The following SSH2 variants were observed in gnomAD, a reference collection of about 807,000 sequenced individuals.
The protein encoded by SSH2 is protein phosphatase Slingshot homolog 2.
A neutral mutation model predicts 135.2 loss-of-function variants in SSH2; 37 were observed. The observed-to-expected ratio is 0.27, with a 90% confidence interval of 0.21 to 0.36. The LOEUF (loss-of-function observed/expected upper bound fraction) is 0.36. Among genes scored for constraint, SSH2 ranks in the 10% least tolerant of loss-of-function variants. SSH2 has a pLI of 1.00. For synonymous variants in SSH2, 628 were observed against 646.2 expected, an observed-to-expected ratio of 0.97 and a Z score of 0.43; for missense variants, 1,408 against 1,765.3, an observed-to-expected ratio of 0.80 and a Z score of 3.63.
chr17:29,736,781 T>C (rs199674905), intron 3 of SSH2, among the ~76,000 whole-genome samples: 14 of 47,196 alleles, frequency 3.0e-4, no homozygotes, highest in Admixed American at 6.0e-4. Flanking sequence ...AGCAAGACTC[T>C]GTCTCAAAAA....
intron 3 of SSH2, among the ~76,000 whole-genome samples, chr17:29,732,300 T>G (rs2040224252): frequency 6.6e-6 from 1 of 152,224 alleles, no homozygotes; most frequent in South Asian, 2.1e-4. Context: ...AAATGCAAAT[T>G]ATTATTCTAA....
intron 6 of SSH2, among the ~76,000 whole-genome samples, chr17:29,682,999 T>G (rs902119825): frequency 9.2e-5 from 14 of 152,340 alleles, no homozygotes; most frequent in Admixed American, 6.5e-4. Flanking sequence ...CAGGTTGACT[T>G]CTATATAGGA....
At chr17:29,640,311 C>T (rs1188469444) in intron 14 of SSH2, among the ~76,000 whole-genome samples, 4 of 152,168 alleles carry the variant, frequency 2.6e-5, no homozygotes, top group East Asian at 1.9e-4. Flanking sequence ...CTCCTGACCT[C>T]GTGATCCGCT....
At chr17:29,735,140 T>C (rs1247229041) in intron 3 of SSH2, among the ~76,000 whole-genome samples, 1 of 152,172 alleles carries the variant, frequency 6.6e-6, no homozygotes, top group Non-Finnish European at 1.5e-5. Flanking sequence ...CACATTTGCA[T>C]ATTATTTCAG....
chr17:29,640,470 T>C (rs1479290090), intron 14 of SSH2, among the ~76,000 whole-genome samples: 1 of 152,322 alleles, frequency 6.6e-6, no homozygotes, highest in African/African-American at 2.4e-5. Flanking sequence ...CAACAGTGCA[T>C]GTTTCAGAGG....
intron 1 of SSH2, among the ~76,000 whole-genome samples, chr17:29,853,583 A>C (rs2065606562): frequency 6.6e-6 from 1 of 151,728 alleles, no homozygotes; most frequent in Non-Finnish European, 1.5e-5. Flanking sequence ...AATTTTGAGG[A>C]GGGCAAAGTC....
chr17:29,716,455 C>G, intron 3 of SSH2: 1 of 684,206 alleles, frequency 1.5e-6, no homozygotes, highest in Non-Finnish European at 2.7e-6. Flanking sequence ...TTGCCCTCAA[C>G]TTGTGTACAA....
At chr17:29,800,854 C>CT (rs923683607) in intron 2 of SSH2, among the ~76,000 whole-genome samples, 40 of 149,286 alleles carry the variant, frequency 2.7e-4, no homozygotes, top group Non-Finnish European at 3.6e-4. Flanking sequence ...ACCATTAAGT[C>CT]TTTTTTTCTT....
intron 11 of SSH2, among the ~76,000 whole-genome samples, chr17:29,658,867 C>CAA (rs541052752): frequency 0.012 from 381 of 32,350 alleles, 12 homozygotes; most frequent in African/African-American, 0.022. Flanking sequence ...AACTCCGTCT[C>CAA]AAAAAAAAAA....
rs1216973915 is a variant in SSH2 at position 29,636,658 on chromosome 17, C to T, written c.1572G>A (p.Met524Ile). The T allele has an allele frequency of 3.7e-6, 6 of 1,614,108 alleles. No homozygotes were observed. The highest frequency in any genetic ancestry group is 1.3e-5 in the African/African-American group (1 of 75,008). ...SADQIAEVKT[M>I]ESHPPIPPVF... ...CAGGAGGTATGGGTGGGTGACTCTC[C>T]ATGGTCTTCACCTCAGCAATCTGGT... The change falls in exon 15 of 16, where the codon ATG becomes ATA. Residue 524 changes from methionine (M) to isoleucine (I), a missense_variant. Physicochemically the swap from Met to Ile is conservative, Grantham distance 10. This residue lies in a region of SSH2 where 1,080 missense variants were observed against 1,144.5 expected (regional missense o/e 0.94). Coordinates refer to ENST00000540801, the MANE Select transcript of SSH2 (RefSeq NM_001282129.2).
At chr17:29,804,550 T>C (rs1316379427) in intron 2 of SSH2, among the ~76,000 whole-genome samples, 1 of 152,232 alleles carries the variant, frequency 6.6e-6, no homozygotes, top group Non-Finnish European at 1.5e-5. Context: ...ATTCCACTTT[T>C]TAAAAAGTTA....
chr17:29,725,207 C>T (rs1227204264), intron 3 of SSH2, among the ~76,000 whole-genome samples: 2 of 151,486 alleles, frequency 1.3e-5, no homozygotes, highest in Non-Finnish European at 2.9e-5. Flanking sequence ...ATTAGCCGGG[C>T]ATGGTGGTGC....
At chr17:29,884,493 T>C (rs1327125246) in intron 1 of SSH2, among the ~76,000 whole-genome samples, 1 of 152,186 alleles carries the variant, frequency 6.6e-6, no homozygotes, top group Admixed American at 6.5e-5. Flanking sequence ...TTCAAGAGAC[T>C]ACAAACATTA....
intron 1 of SSH2, among the ~76,000 whole-genome samples, chr17:29,916,345 T>C (rs1212421300): frequency 6.6e-6 from 1 of 152,168 alleles, no homozygotes; most frequent in East Asian, 1.9e-4. Context: ...AACCAAAGCA[T>C]AGAGCAGTTA....
At chr17:29,637,474 A>G (rs2035957422) in intron 14 of SSH2, among the ~76,000 whole-genome samples, 1 of 152,170 alleles carries the variant, frequency 6.6e-6, no homozygotes, top group Non-Finnish European at 1.5e-5. Context: ...GAATACTACT[A>G]CAAGTACACA....
At chr17:29,771,878 T>C (rs998022176) in intron 3 of SSH2, among the ~76,000 whole-genome samples, 2 of 152,212 alleles carry the variant, frequency 1.3e-5, no homozygotes, top group Non-Finnish European at 1.5e-5. Flanking sequence ...TATGTCTTTC[T>C]TCTCTGAAAT....
In SSH2 at chr17:29,891,292, C is replaced by T. The variant is rs146287944; in HGVS notation, c.63+38646G>A. Among the ~76,000 whole-genome samples the T allele has an allele frequency of 3.7e-3, 563 of 152,264 alleles. 3 individuals carry two copies. The highest frequency in any genetic ancestry group is 0.013 in the African/African-American group (548 of 41,548). On this transcript the variant is annotated intron_variant, in intron 1 of 15. Transcript: ENST00000540801. Reference sequence around the variant, plus strand: ...CTATCTCAAGAGAGACTGAGTAGGACAGAGATGAAACCCACAAATCTACTA... The same window carrying T: ...CTATCTCAAGAGAGACTGAGTAGGATAGAGATGAAACCCACAAATCTACTA...
intron 1 of SSH2, among the ~76,000 whole-genome samples, chr17:29,875,888 T>C (rs1258656471): frequency 6.6e-6 from 1 of 151,994 alleles, no homozygotes; most frequent in Admixed American, 6.6e-5. Flanking sequence ...TCCCTAGTTA[T>C]TTCAGTCATA....
intron 8 of SSH2, chr17:29,674,094 G>C (rs1185975258): frequency 2.2e-6 from 1 of 456,636 alleles, no homozygotes; most frequent in South Asian, 1.5e-5. Context: ...CTCCAGAAAG[G>C]CTGCTCCAGT....
Sources: allele counts gnomAD v4.1 joint callset (sites outside exome capture counted in the v4.1 genomes callset), GRCh38; gene constraint gnomAD v4.1.1; regional missense constraint gnomAD v4.1.1; transcripts MANE v1.5; gene names NCBI Gene and HGNC (gene_info 2026-07-23, HGNC 2026-07-21).